Variants in DSCAML1 observed in about 807,000 individuals in gnomAD.
DSCAML1 encodes the protein DS cell adhesion molecule like 1.
A neutral mutation model predicts 200.5 loss-of-function variants in DSCAML1; 38 were observed. The ratio of observed to expected loss-of-function variants is 0.19; its 90% CI spans 0.15 to 0.25. The LOEUF (loss-of-function observed/expected upper bound fraction) is 0.25. Ranked by LOEUF, DSCAML1 falls within the 10% of genes least tolerant of loss-of-function variation. The probability of loss-of-function intolerance (pLI) is 1.00; values close to 1 mark genes in which losing one functional copy is unlikely to be tolerated. For missense variants in DSCAML1, 2,223 were observed against 2,858.8 expected (o/e 0.78, Z 5.07); for synonymous variants, 1,215 against 1,165.0 (o/e 1.04, Z -0.87).
intron 3 of DSCAML1, among the ~76,000 whole-genome samples, chr11:117,646,235 G>A (rs1455735550): frequency 6.6e-6 from 1 of 151,976 alleles, no homozygotes. Context: ...TGCAGCCGTG[G>A]CCTGGCCAGA....
chr11:117,762,734 G>A (rs2054825076), intron 3 of DSCAML1, among the ~76,000 whole-genome samples: 1 of 152,004 alleles, frequency 6.6e-6, no homozygotes, highest in Admixed American at 6.6e-5. Context: ...GTGGTGGCAG[G>A]TGCCTGTAAC....
intron 2 of DSCAML1, among the ~76,000 whole-genome samples, chr11:117,779,131 T>C (rs1591501429): frequency 6.6e-6 from 1 of 152,328 alleles, no homozygotes; most frequent in Non-Finnish European, 1.5e-5. Flanking sequence ...CCACTCTCCC[T>C]GGTTGGCCCA....
At position 117,576,161 on chromosome 11, in the gene DSCAML1, C is replaced by T. The variant is rs763061564; in HGVS notation, c.512-43639G>A. 5.3e-5 allele frequency among the ~76,000 whole-genome samples: 8 copies of T among 152,278 alleles called. No individual in the cohort carries two copies. The South Asian group carries it at 8.3e-4, about 16-fold the overall frequency. On this transcript the variant is annotated intron_variant, in intron 3 of 32. Transcript: ENST00000651296. Reference sequence around the variant, plus strand: ...GTGCTGAGGCTGCTGTACCCTTACCCGGACCTTCTAGGACCAACTGACCCC... The same window carrying T: ...GTGCTGAGGCTGCTGTACCCTTACCTGGACCTTCTAGGACCAACTGACCCC...
intron 19 of DSCAML1, 107 bp from the exon 20 acceptor site, chr11:117,450,795 G>T: frequency 7.4e-7 from 1 of 1,347,828 alleles, no homozygotes; most frequent in Non-Finnish European, 1.0e-6. Context: ...AGAGCTTCTT[G>T]GAGGTGGCAT....
Position 117,518,745 on chromosome 11 carries a change from C to T in DSCAML1, c.1231G>A (p.Val411Ile), listed in dbSNP as rs759222737. The T allele has an allele frequency of 2.4e-5, 38 of 1,611,688 alleles. No individual in the cohort carries two copies. The highest frequency in any genetic ancestry group is 1.1e-4 in the African/African-American group (8 of 74,948). The change falls in exon 7 of 33, where the codon GTC becomes ATC. Residue 411 changes from valine (V) to isoleucine (I), a missense_variant. Physicochemically the swap from Val to Ile is conservative, Grantham distance 29. Around this residue, in one of 7 missense-constraint regions of DSCAML1, gnomAD observed 579 missense variants for 721.5 expected, o/e 0.80. Transcript: ENST00000651296. This position sits in a 1 kb window ranked among gnomAD's most constrained non-coding sequence, Gnocchi z 6.3. ...IALEDGTPRI[V>I]SSFSEKVVNP... ...ACCACCTTCTCGCTGAAGGACGAGACGATGCGGGGCGTGCCATCTGCAGGG... is the reference window on the plus strand; with the variant it reads ...ACCACCTTCTCGCTGAAGGACGAGATGATGCGGGGCGTGCCATCTGCAGGG...
intron 3 of DSCAML1, among the ~76,000 whole-genome samples, chr11:117,738,079 G>A (rs912796829): frequency 1.3e-5 from 2 of 152,328 alleles, no homozygotes; most frequent in African/African-American, 2.4e-5. Context: ...CAGGCAGAAT[G>A]TAGGTTACTC....
At chr11:117,656,688 G>C (rs1283813908) in intron 3 of DSCAML1, among the ~76,000 whole-genome samples, 1 of 152,166 alleles carries the variant, frequency 6.6e-6, no homozygotes, top group East Asian at 1.9e-4. Flanking sequence ...GAGTTAGTAG[G>C]GGTGCTGGGA....
intron 3 of DSCAML1, among the ~76,000 whole-genome samples, chr11:117,742,816 G>T (rs1443042676): frequency 4.6e-5 from 7 of 152,348 alleles, no homozygotes; most frequent in Non-Finnish European, 8.8e-5. Context: ...TTTGGGGAGG[G>T]TGTGGTCTTG....
intron 3 of DSCAML1, among the ~76,000 whole-genome samples, chr11:117,535,221 T>G (rs2050144509): frequency 6.6e-6 from 1 of 152,154 alleles, no homozygotes; most frequent in Non-Finnish European, 1.5e-5. Context: ...CTCCTTGCAG[T>G]CAACTAAAGA....
At chr11:117,556,964 C>A (rs568528475) in intron 3 of DSCAML1, among the ~76,000 whole-genome samples, 4 of 152,270 alleles carry the variant, frequency 2.6e-5, no homozygotes, top group African/African-American at 7.2e-5. Context: ...ATTAGCATCT[C>A]ACCAGTGAGA....
intron 3 of DSCAML1, among the ~76,000 whole-genome samples, chr11:117,637,615 G>A (rs1028927693): frequency 4.6e-5 from 7 of 152,140 alleles, no homozygotes; most frequent in African/African-American, 1.7e-4. Flanking sequence ...AAAGTGGTGG[G>A]ATTACAGGCA....
intron 8 of DSCAML1, among the ~76,000 whole-genome samples, chr11:117,512,223 G>A (rs2049636329): frequency 6.6e-6 from 1 of 152,144 alleles, no homozygotes; most frequent in Non-Finnish European, 1.5e-5. Flanking sequence ...ACCTTGAGTG[G>A]GATGCACTTC....
chr11:117,570,110 G>C (rs2137434570), intron 3 of DSCAML1, among the ~76,000 whole-genome samples: 1 of 152,226 alleles, frequency 6.6e-6, no homozygotes, highest in East Asian at 1.9e-4. Flanking sequence ...GAATGTGTTG[G>C]GGGATGTTCA....
chr11:117,483,723 G>A (rs1361452916), intron 11 of DSCAML1, among the ~76,000 whole-genome samples: 1 of 152,224 alleles, frequency 6.6e-6, no homozygotes, highest in Non-Finnish European at 1.5e-5. Context: ...GGCGGGGCAG[G>A]TCCCAGGAAG....
intron 3 of DSCAML1, among the ~76,000 whole-genome samples, chr11:117,655,163 T>C (rs1474619110): frequency 5.3e-5 from 8 of 152,160 alleles, no homozygotes. Context: ...CTCCATGCCC[T>C]GATATTGGGG....
At chr11:117,523,259 C>T (rs1379995156) in intron 5 of DSCAML1, among the ~76,000 whole-genome samples, 3 of 152,006 alleles carry the variant, frequency 2.0e-5, no homozygotes, top group Non-Finnish European at 4.4e-5. Flanking sequence ...GTGTGTTGCC[C>T]TTCTGACCTA....
intron 15 of DSCAML1, among the ~76,000 whole-genome samples, 178 bp from the exon 16 acceptor site, chr11:117,470,158 T>C (rs1402834669): frequency 2.6e-5 from 4 of 152,232 alleles, no homozygotes; most frequent in Non-Finnish European, 5.9e-5. Context: ...AGGGTTTCAA[T>C]TTCCTCTTCA....
intron 3 of DSCAML1, among the ~76,000 whole-genome samples, chr11:117,566,560 T>TTTG (rs978425603): frequency 7.2e-5 from 11 of 151,752 alleles, no homozygotes; most frequent in Non-Finnish European, 1.6e-4. Flanking sequence ...TTGGTTTTTT[T>TTTG]TTTGTTTGTT....
chr11:117,732,855 G>T lies in DSCAML1; in HGVS notation c.511+43936C>A, dbSNP rs79107759. ...TATGCATGACTAACTCGGGAGGAGG[G>T]CCACACTTTCTTTTTCCAGATCCTA... is the stretch of plus-strand genomic sequence containing the variant. On this transcript the variant is annotated intron_variant, in intron 3 of 32. Coordinates refer to ENST00000651296, the MANE Select transcript of DSCAML1 (RefSeq NM_020693.4). Among the ~76,000 whole-genome samples the T allele has an allele frequency of 9.7e-3, 1,475 of 151,914 alleles. 24 individuals carry two copies. Among genetic ancestry groups the T allele is most frequent in the African/African-American group, 0.033 (1,355 of 41,390 alleles).
Sources: allele counts gnomAD v4.1 joint callset (sites outside exome capture counted in the v4.1 genomes callset), GRCh38; gene constraint gnomAD v4.1.1; regional missense constraint gnomAD v4.1.1; non-coding constraint Gnocchi (gnomAD v3.1); transcripts MANE v1.5; gene names NCBI Gene and HGNC (gene_info 2026-07-23, HGNC 2026-07-21).